MYEF2: variants seen among roughly 807,000 people sequenced by gnomAD.
MYEF2 encodes the protein myelin expression factor 2, also known as myelin gene expression factor 2.
In MYEF2, 37 loss-of-function variants were observed where a neutral mutation model predicts 75.2. The observed-to-expected ratio is 0.49, with a 90% CI of 0.38 to 0.65. The LOEUF (loss-of-function observed/expected upper bound fraction) is 0.65, where lower values mean the gene tolerates loss of function less well. Among genes scored for constraint, MYEF2 ranks in the 30% least tolerant of loss-of-function variants. The pLI, the probability that MYEF2 is intolerant of heterozygous loss-of-function variation, is 0.00. For missense variants in MYEF2, 634 were observed against 771.4 expected (o/e 0.82, Z 2.11); for synonymous variants, 195 against 241.6 (o/e 0.81, Z 1.79).
chr15:48,169,205 G>T (rs1214703401), intron 1 of MYEF2, among the ~76,000 whole-genome samples: 1 of 152,178 alleles, frequency 6.6e-6, no homozygotes, highest in African/African-American at 2.4e-5. Context: ...CTTTGATGGA[G>T]AATTAACTTT....
At position 48,136,843 on chromosome 15, in the gene MYEF2, G is replaced by A. The variant is rs1163215253; in HGVS notation, c.*6065C>T. 2 of 1,613,790 alleles carry A rather than the reference G, an allele frequency of 1.2e-6. No homozygotes were observed. The highest frequency in any genetic ancestry group is 1.1e-5 in the South Asian group (1 of 91,044). On this transcript the variant is annotated 3_prime_UTR_variant, in exon 17 of 17. Coordinates refer to ENST00000324324, the MANE Select transcript of MYEF2 (RefSeq NM_016132.5). ...TGAACAACAGCCACTGATGGGCTGG[G>A]AAGATGAAGGTCAACCATTCATTCG...
At position 48,142,880 on chromosome 15, in the gene MYEF2, G is replaced by A. The variant is rs764731977; in HGVS notation, c.*28C>T. The A allele has an allele frequency of 5.7e-6, 9 of 1,567,256 alleles. No individual in the cohort carries two copies. In the Admixed American group the frequency reaches 1.7e-4, roughly 30 times the overall value. ...TACTAGGAGATTCAGCAAAACAGAT[G>A]TAGGAATGTTCCAACCATGGCTTGA... On this transcript the variant is annotated 3_prime_UTR_variant, in exon 17 of 17. Coordinates refer to ENST00000324324, the MANE Select transcript of MYEF2 (RefSeq NM_016132.5).
rs1395520460 is a variant in MYEF2 at position 48,149,315 on chromosome 15, G to A, written c.1435C>T (p.Arg479Trp). ...ATTCTATCAAAGCTGGAACTCATCC[G>A]GTCCAGTCCCATCCCCATTCCTCCA... ...VTGGMGMGLD[R>W]MSSSFDRMGP... The change falls in exon 15 of 17, where the codon CGG becomes TGG. Residue 479 changes from arginine (R) to tryptophan (W), a missense_variant. Coordinates refer to ENST00000324324, the MANE Select transcript of MYEF2 (RefSeq NM_016132.5). The surrounding 1 kb of genome is among the most constrained non-coding windows in gnomAD (Gnocchi z 4.0). 7 of 1,612,854 alleles carry A rather than the reference G, an allele frequency of 4.3e-6. No homozygotes were observed. Among genetic ancestry groups the A allele is most frequent in the South Asian group, 3.3e-5 (3 of 91,046 alleles).
chr15:48,175,025 AAAC>A (rs1332894814), intron 1 of MYEF2, among the ~76,000 whole-genome samples: 2 of 152,180 alleles, frequency 1.3e-5, no homozygotes, highest in East Asian at 3.8e-4. Flanking sequence ...CAAGATATGG[AAAC>A]AACGACTTAA....
intron 9 of MYEF2, among the ~76,000 whole-genome samples, chr15:48,154,403 C>T (rs2039607467): frequency 6.6e-6 from 1 of 151,912 alleles, no homozygotes; most frequent in South Asian, 2.1e-4. Context: ...TTATATGGCA[C>T]CTTAAGTGTT....
chr15:48,163,507 A>G (rs2040026099), intron 5 of MYEF2, among the ~76,000 whole-genome samples: 1 of 152,226 alleles, frequency 6.6e-6, no homozygotes, highest in South Asian at 2.1e-4. Context: ...GCTGATGTAG[A>G]AGCTACAGAA....
chr15:48,136,014 C>A lies in MYEF2; in HGVS notation c.*6894G>T, dbSNP rs2038889595. Reference sequence around the variant, plus strand: ...ATTCACTGGCTATAAAAGGTAAATGCAAGGTTCAAATGTGATGGCATTAGC... The same window carrying A: ...ATTCACTGGCTATAAAAGGTAAATGAAAGGTTCAAATGTGATGGCATTAGC... On this transcript the variant is annotated 3_prime_UTR_variant, in exon 17 of 17. Coordinates refer to ENST00000324324, the MANE Select transcript of MYEF2 (RefSeq NM_016132.5). 3.3e-5 allele frequency: 5 copies of A among 152,102 alleles called. No homozygotes were observed. Among genetic ancestry groups the A allele is most frequent in the Admixed American group, 3.3e-4 (5 of 15,238 alleles). 9.4% of individuals were successfully genotyped at this position (152,102 alleles called of 1,614,324 possible). A position where few individuals can be genotyped will look rare whatever the true frequency, so the allele number is the denominator to read the frequency against.
Position 48,136,797 on chromosome 15 carries a change from T to C in MYEF2, c.*6111A>G. 1 of 1,613,820 alleles carries C rather than the reference T, an allele frequency of 6.2e-7. No individual in the cohort carries two copies. On this transcript the variant is annotated 3_prime_UTR_variant, in exon 17 of 17. Transcript: ENST00000324324. Reference sequence around the variant, plus strand: ...AATGCAGTCCTTGCTGCGCCTGTCTTGCCAAAGCTATGGAGAGAAGTGAAC... The same window carrying C: ...AATGCAGTCCTTGCTGCGCCTGTCTCGCCAAAGCTATGGAGAGAAGTGAAC...
chr15:48,152,311 TTAAG>T (rs765894165), intron 10 of MYEF2, 27 bp from the exon 11 acceptor site: 4 of 1,562,930 alleles, frequency 2.6e-6, no homozygotes, highest in Admixed American at 1.9e-5. Flanking sequence ...AGTATGTACT[TTAAG>T]TATATTTTAT....
intron 1 of MYEF2, among the ~76,000 whole-genome samples, chr15:48,174,587 C>G (rs2040451836): frequency 6.6e-6 from 1 of 151,930 alleles, no homozygotes; most frequent in South Asian, 2.1e-4. Context: ...GTATAAGGAA[C>G]CCATACAACT....
At position 48,150,178 on chromosome 15, in the gene MYEF2, T is replaced by C. The variant is rs187817140; in HGVS notation, c.1379-807A>G. Among the ~76,000 whole-genome samples, 5 of 151,996 alleles carry C rather than the reference T, an allele frequency of 3.3e-5. No individual in the cohort carries two copies. The East Asian group carries it at 9.7e-4, about 29-fold the overall frequency. ...AACATGGAAATTCTAAAAATTAACA[T>C]CACCCTCAAATTGGCTTTTTGTGAA... is the stretch of plus-strand genomic sequence containing the variant. On this transcript the variant is annotated intron_variant, in intron 14 of 16. Transcript: ENST00000324324.
rs2039395364 is a variant in MYEF2 at position 48,149,098 on chromosome 15, G to C, written c.1588-15C>G. 1 of 1,612,884 alleles carries C rather than the reference G, an allele frequency of 6.2e-7. No individual in the cohort carries two copies. ...TCAAAAGGTAGCTAGAATGAAAAGAGGTATTAGTAACATATATACAAGAAA... is the reference window on the plus strand; with the variant it reads ...TCAAAAGGTAGCTAGAATGAAAAGACGTATTAGTAACATATATACAAGAAA... On this transcript the variant is annotated splice_polypyrimidine_tract_variant and intron_variant, in intron 15 of 16. Transcript: ENST00000324324. This position sits in a 1 kb window ranked among gnomAD's most constrained non-coding sequence, Gnocchi z 4.0.
At chr15:48,150,704 A>C (rs771277007) in intron 14 of MYEF2, among the ~76,000 whole-genome samples, 1 of 151,998 alleles carries the variant, frequency 6.6e-6, no homozygotes, top group Non-Finnish European at 1.5e-5. Context: ...ATCTGCATTT[A>C]CCAAAAGACA....
At chr15:48,170,289 C>G (rs1208173005) in intron 1 of MYEF2, among the ~76,000 whole-genome samples, 2 of 152,008 alleles carry the variant, frequency 1.3e-5, no homozygotes, top group African/African-American at 4.8e-5. Context: ...CTACACCCAG[C>G]TAATTTTTGT....
Position 48,136,339 on chromosome 15 carries a change from TCAC to T in MYEF2, c.*6566_*6568del, listed in dbSNP as rs1316356098. On this transcript the variant is annotated 3_prime_UTR_variant, in exon 17 of 17. Transcript: ENST00000324324. ...GCCAATGAGCTGAGGCAGAAAATGT[TCAC>T]CACTATTTATTAATTTTACATTTAT... is the stretch of plus-strand genomic sequence containing the variant. 10 of 175,382 alleles carry T rather than the reference TCAC, an allele frequency of 5.7e-5. No homozygotes were observed. Among genetic ancestry groups the T allele is most frequent in the Admixed American group, 1.9e-4 (3 of 16,080 alleles). 10.9% of individuals were successfully genotyped at this position (175,382 alleles called of 1,614,324 possible).
At chr15:48,167,457 A>C in intron 2 of MYEF2, 56 bp from the exon 3 acceptor site, 1 of 1,543,416 alleles carries the variant, frequency 6.5e-7, no homozygotes, top group African/African-American at 1.4e-5. Flanking sequence ...AAACACCAGT[A>C]TCTTGCTTTA....
At chr15:48,172,051 T>G (rs2040359327) in intron 1 of MYEF2, among the ~76,000 whole-genome samples, 1 of 152,100 alleles carries the variant, frequency 6.6e-6, no homozygotes, top group Admixed American at 6.5e-5. Context: ...TAATCCCAGT[T>G]CCAGAGGAAA....
chr15:48,153,953 T>C, intron 9 of MYEF2, 60 bp from the exon 10 acceptor site: 2 of 1,414,380 alleles, frequency 1.4e-6, no homozygotes, highest in South Asian at 1.3e-5. Context: ...TAATTGGCAA[T>C]AAAATTTTTT....
intron 16 of MYEF2, among the ~76,000 whole-genome samples, chr15:48,143,740 A>G (rs186526600): frequency 1.1e-3 from 164 of 152,254 alleles, no homozygotes; most frequent in African/African-American, 3.8e-3. Flanking sequence ...AGAATATCAG[A>G]GAAGCTTCAG....
Sources: gnomAD v4.1 joint callset for allele counts (sites outside exome capture counted in the v4.1 genomes callset) on GRCh38, gnomAD v4.1.1 for gene constraint, Gnocchi (gnomAD v3.1) non-coding constraint, MANE v1.5 for transcripts, NCBI Gene and HGNC (gene_info 2026-07-23, HGNC 2026-07-21) for gene names.